ADAMTS18: variants seen among roughly 807,000 people sequenced by gnomAD.
The protein encoded by ADAMTS18 is A disintegrin and metalloproteinase with thrombospondin motifs 18.
Under a neutral mutation model 165.9 loss-of-function variants are expected in ADAMTS18, and 157 were observed. That is an observed-to-expected ratio of 0.95 (90% CI 0.83 to 1.08). The LOEUF is 1.08. ADAMTS18 is among the 50% of genes least tolerant of loss of function. The pLI is 0.00. For missense variants in ADAMTS18, 2,040 were observed against 1,534.0 expected, an observed-to-expected ratio of 1.33 and a Z score of -5.51; for synonymous variants, 782 against 578.2, an observed-to-expected ratio of 1.35 and a Z score of -5.06.
At chr16:77,288,582 G>A (rs987062262) in intron 22 of ADAMTS18, among the ~76,000 whole-genome samples, 3 of 151,950 alleles carry the variant, frequency 2.0e-5, no homozygotes, top group Admixed American at 2.0e-4. Flanking sequence ...AAACATTTAG[G>A]TATAGTCCTA....
intron 16 of ADAMTS18, among the ~76,000 whole-genome samples, chr16:77,306,115 C>T (rs566701461): frequency 6.6e-5 from 10 of 152,252 alleles, no homozygotes; most frequent in East Asian, 1.9e-4. Context: ...TTGGAAAGAC[C>T]GCCAGTGATT....
chr16:77,385,779 A>T (rs1441481015), intron 3 of ADAMTS18, among the ~76,000 whole-genome samples: 1 of 152,190 alleles, frequency 6.6e-6, no homozygotes, highest in African/African-American at 2.4e-5. Flanking sequence ...AGAGCCAGAC[A>T]TGACCACCAT....
chr16:77,322,354 A>G lies in ADAMTS18; in HGVS notation c.2145T>C (p.Cys715=), dbSNP rs1597120617. The G allele has an allele frequency of 3.7e-6, 6 of 1,613,804 alleles. No homozygotes were observed. Among genetic ancestry groups the G allele is most frequent in the Non-Finnish European group, 5.1e-6 (6 of 1,179,932 alleles). Residue 715 remains cysteine (C), a synonymous_variant, in exon 14 of 23, where the codon TGT becomes TGC. Transcript: ENST00000282849. Reference sequence around the variant, plus strand: ...CTCTTACTTCACAAACCCCGTCAATACAAACATCATTTTTGTTTGGGGAGC... The same window carrying G: ...CTCTTACTTCACAAACCCCGTCAATGCAAACATCATTTTTGTTTGGGGAGC... ...TPCSPNKNDV[C]IDGVCELVGC...
intron 22 of ADAMTS18, among the ~76,000 whole-genome samples, chr16:77,287,435 C>T (rs1013054974): frequency 2.0e-5 from 3 of 152,088 alleles, no homozygotes; most frequent in East Asian, 1.9e-4. Flanking sequence ...GGGCTCGTAT[C>T]CTTTATTCTT....
In ADAMTS18 at chr16:77,294,922, C is replaced by T. The variant is rs1195694707; in HGVS notation, c.3006+1G>A. The T allele has an allele frequency of 8.1e-6, 13 of 1,613,980 alleles. No homozygotes were observed. The South Asian group carries it at 1.2e-4, about 15-fold the overall frequency. On this transcript the variant is annotated splice_donor_variant, in intron 19 of 22. Coordinates refer to ENST00000282849, the MANE Select transcript of ADAMTS18 (RefSeq NM_199355.4). LOFTEE classifies it high-confidence loss of function. ...GTAACTCCCAAGTTTTCTCCTGTTA[C>T]CTGAGACCAGGGTCCAAGGCTCCAT...
chr16:77,422,300 A>G (rs1177753562), intron 3 of ADAMTS18, among the ~76,000 whole-genome samples: 3 of 152,132 alleles, frequency 2.0e-5, no homozygotes, highest in East Asian at 1.9e-4. Context: ...CCACCTGTGG[A>G]GTTATTGCTG....
At chr16:77,313,390 A>C (rs1042659528) in intron 16 of ADAMTS18, among the ~76,000 whole-genome samples, 4 of 152,094 alleles carry the variant, frequency 2.6e-5, no homozygotes, top group African/African-American at 7.2e-5. Flanking sequence ...ACATGTATAC[A>C]TATGTAACAA....
intron 3 of ADAMTS18, among the ~76,000 whole-genome samples, chr16:77,384,546 G>C (rs563354882): frequency 1.3e-5 from 2 of 152,302 alleles, no homozygotes; most frequent in South Asian, 2.1e-4. Flanking sequence ...TCTGAGGGTA[G>C]TGTTTGAACT....
At chr16:77,367,818 G>C in intron 3 of ADAMTS18, 95 bp from the exon 4 acceptor site, 1 of 1,402,402 alleles carries the variant, frequency 7.1e-7, no homozygotes, top group Non-Finnish European at 1.0e-6. Context: ...ATTCCTGTAT[G>C]TGGGCACAGG....
At chr16:77,344,765 C>A (rs916017564) in intron 10 of ADAMTS18, among the ~76,000 whole-genome samples, 4 of 151,842 alleles carry the variant, frequency 2.6e-5, no homozygotes, top group East Asian at 1.9e-4. Context: ...CACAGGGATT[C>A]CAGAGTGAAA....
At chr16:77,347,622 T>G (rs2056496993) in intron 10 of ADAMTS18, among the ~76,000 whole-genome samples, 1 of 152,206 alleles carries the variant, frequency 6.6e-6, no homozygotes, top group Non-Finnish European at 1.5e-5. Flanking sequence ...ATATATTATT[T>G]GATATATTCC....
intron 3 of ADAMTS18, among the ~76,000 whole-genome samples, chr16:77,382,826 T>G (rs2057051216): frequency 6.6e-6 from 1 of 152,188 alleles, no homozygotes; most frequent in African/African-American, 2.4e-5. Flanking sequence ...ACCTTCCCCC[T>G]GGATCATTCC....
chr16:77,287,699 G>A (rs111576453), intron 22 of ADAMTS18, among the ~76,000 whole-genome samples: 1,603 of 152,014 alleles, frequency 0.011, 20 homozygotes, highest in South Asian at 0.047. Flanking sequence ...CTCAAACTCC[G>A]GACCTCAGGT....
chr16:77,387,248 G>C (rs1004139004), intron 3 of ADAMTS18, among the ~76,000 whole-genome samples: 3 of 152,196 alleles, frequency 2.0e-5, no homozygotes, highest in Non-Finnish European at 4.4e-5. Context: ...TACAAGTACA[G>C]TGTGGCAGGA....
intron 10 of ADAMTS18, among the ~76,000 whole-genome samples, chr16:77,349,702 G>A (rs925226815): frequency 2.0e-5 from 3 of 152,158 alleles, no homozygotes; most frequent in South Asian, 2.1e-4. Context: ...CCTGTCTCCC[G>A]GGTGCATCCT....
chr16:77,338,679 C>T (rs1297867486), intron 11 of ADAMTS18, among the ~76,000 whole-genome samples: 8 of 151,986 alleles, frequency 5.3e-5, no homozygotes, highest in Middle Eastern at 3.4e-3. Context: ...CTTGGCCGGG[C>T]GCGGTGGCTC....
At chr16:77,382,376 A>C (rs2057044282) in intron 3 of ADAMTS18, among the ~76,000 whole-genome samples, 2 of 152,036 alleles carry the variant, frequency 1.3e-5, no homozygotes, top group Non-Finnish European at 2.9e-5. Flanking sequence ...ACGCCTGGCT[A>C]ATTTTTTGTA....
At chr16:77,341,165 G>A (rs934713782) in intron 11 of ADAMTS18, among the ~76,000 whole-genome samples, 2 of 152,132 alleles carry the variant, frequency 1.3e-5, no homozygotes, top group African/African-American at 2.4e-5. Context: ...AAATGGAGGT[G>A]GTTCTCTGGG....
Position 77,289,353 on chromosome 16 carries a change from C to T in ADAMTS18, c.3461G>A (p.Gly1154Asp). 1.2e-6 allele frequency: 2 copies of T among 1,614,116 alleles called. No homozygotes were observed. The highest frequency in any genetic ancestry group is 1.1e-5 in the South Asian group (1 of 91,086). The change falls in exon 22 of 23, where the codon GGC becomes GAC. Residue 1154 changes from glycine to aspartate, a missense_variant. Transcript: ENST00000282849. ...QTRSVHCVQQ[G>D]RPSSSCLLHQ... The stretch of plus-strand genomic sequence containing the variant: ...GAGCAGACAACTTGAGGAAGGCCGG[C>T]CTTGCTGAACACAGTGGACTGACCG...
Sources: gnomAD v4.1 joint callset for allele counts (sites outside exome capture counted in the v4.1 genomes callset) on GRCh38, gnomAD v4.1.1 for gene constraint, MANE v1.5 for transcripts, NCBI Gene and HGNC (gene_info 2026-07-23, HGNC 2026-07-21) for gene names.